PPFIA2: variants seen among roughly 807,000 people sequenced by gnomAD.
PPFIA2 encodes the protein liprin-alpha-2.
Under a neutral mutation model 175.5 loss-of-function variants are expected in PPFIA2, and 46 were observed. The observed-to-expected ratio is 0.26, with a 90% confidence interval of 0.21 to 0.34. The LOEUF is 0.34. Ranked by LOEUF, PPFIA2 falls within the 10% of genes least tolerant of loss-of-function variation. The probability of loss-of-function intolerance (pLI) is 1.00; values close to 1 mark genes in which losing one functional copy is unlikely to be tolerated. For synonymous variants in PPFIA2, 568 were observed against 511.4 expected, an observed-to-expected ratio of 1.11 and a Z score of -1.49; for missense variants, 1,179 against 1,506.1, an observed-to-expected ratio of 0.78 and a Z score of 3.60.
At chr12:81,644,341 A>G (rs141323188) in intron 4 of PPFIA2, among the ~76,000 whole-genome samples, 1 of 152,020 alleles carries the variant, frequency 6.6e-6, no homozygotes, top group Non-Finnish European at 1.5e-5. Flanking sequence ...AAGTTGGTGA[A>G]CACACTAAAT....
intron 3 of PPFIA2, among the ~76,000 whole-genome samples, chr12:81,701,708 T>C (rs1048698366): frequency 1.1e-4 from 16 of 148,948 alleles, no homozygotes; most frequent in Non-Finnish European, 1.8e-4. Flanking sequence ...TAAATAAATA[T>C]CAATCAGTGC....
chr12:81,414,049 G>A (rs2044493934), intron 7 of PPFIA2, among the ~76,000 whole-genome samples: 1 of 151,554 alleles, frequency 6.6e-6, no homozygotes. Context: ...TGTAAATTTG[G>A]TATTTTTATT....
At chr12:81,728,623 A>G (rs1389071214) in intron 3 of PPFIA2, among the ~76,000 whole-genome samples, 3 of 151,608 alleles carry the variant, frequency 2.0e-5, no homozygotes, top group South Asian at 4.1e-4. Context: ...TATTTCCTAT[A>G]GATTACAATT....
chr12:81,388,402 T>C (rs925086472), intron 8 of PPFIA2, among the ~76,000 whole-genome samples: 1 of 152,034 alleles, frequency 6.6e-6, no homozygotes, highest in Non-Finnish European at 1.5e-5. Context: ...AAAGAGTACA[T>C]AATGTGTGAT....
At chr12:81,291,271 T>A (rs2044894388) in intron 24 of PPFIA2, among the ~76,000 whole-genome samples, 1 of 152,122 alleles carries the variant, frequency 6.6e-6, no homozygotes, top group South Asian at 2.1e-4. Flanking sequence ...ACTTAAATGC[T>A]ATAAACAATA....
At chr12:81,570,634 T>C (rs2153412769) in intron 4 of PPFIA2, among the ~76,000 whole-genome samples, 1 of 151,668 alleles carries the variant, frequency 6.6e-6, no homozygotes, top group South Asian at 2.1e-4. Flanking sequence ...CATTCATCAG[T>C]TGTGAAAATT....
rs10595723 is a variant in PPFIA2 at position 81,605,650 on chromosome 12, GCTATCTAT to G, written c.303+71133_303+71140del. On this transcript the variant is annotated intron_variant, in intron 4 of 32. Coordinates refer to ENST00000549396, the MANE Select transcript of PPFIA2 (RefSeq NM_003625.5). Reference sequence around the variant, plus strand: ...GTCTGTCTATCCATCCATCCATCCAGCTATCTATCTATCTATCTATCTATCTATCTATC... The same window carrying G: ...GTCTGTCTATCCATCCATCCATCCAGCTATCTATCTATCTATCTATCTATC... Among the ~76,000 whole-genome samples the G allele has an allele frequency of 4.1e-3, 595 of 143,888 alleles. 1 individual carries two copies. Among genetic ancestry groups the G allele is most frequent in the Middle Eastern group, 0.014 (4 of 278 alleles). 94.4% of individuals were successfully genotyped at this position (143,888 alleles called of 152,430 possible).
chr12:81,726,381 C>T (rs1320383761), intron 3 of PPFIA2, among the ~76,000 whole-genome samples: 1 of 151,212 alleles, frequency 6.6e-6, no homozygotes, highest in African/African-American at 2.4e-5. Flanking sequence ...TCAGCTACCA[C>T]CTGTTCATCT....
intron 3 of PPFIA2, among the ~76,000 whole-genome samples, chr12:81,722,298 CA>C (rs1174630287): frequency 6.6e-6 from 1 of 150,976 alleles, no homozygotes; most frequent in East Asian, 1.9e-4. Flanking sequence ...CAGTGTATGA[CA>C]ATCATCATTA....
At chr12:81,653,213 C>T (rs2067272654) in intron 4 of PPFIA2, among the ~76,000 whole-genome samples, 1 of 152,092 alleles carries the variant, frequency 6.6e-6, no homozygotes, top group Admixed American at 6.6e-5. Flanking sequence ...CATAGTACTT[C>T]CACTTCCATC....
At chr12:81,471,894 T>A (rs2056794707) in intron 4 of PPFIA2, among the ~76,000 whole-genome samples, 1 of 152,220 alleles carries the variant, frequency 6.6e-6, no homozygotes, top group African/African-American at 2.4e-5. Context: ...TGAACATGTT[T>A]ATTACCTGAA....
At chr12:81,457,115 C>G (rs2053704454) in intron 5 of PPFIA2, among the ~76,000 whole-genome samples, 1 of 151,840 alleles carries the variant, frequency 6.6e-6, no homozygotes, top group Admixed American at 6.6e-5. Flanking sequence ...TCCCAAGTAG[C>G]TGGGACTGCA....
At chr12:81,272,240 G>A (rs1026972382) in intron 28 of PPFIA2, among the ~76,000 whole-genome samples, 1 of 151,762 alleles carries the variant, frequency 6.6e-6, no homozygotes, top group African/African-American at 2.4e-5. Flanking sequence ...GGGGTCCATC[G>A]AGAACCTTGA....
At chr12:81,737,907 C>G (rs1356695352) in intron 3 of PPFIA2, among the ~76,000 whole-genome samples, 1 of 151,248 alleles carries the variant, frequency 6.6e-6, no homozygotes, top group African/African-American at 2.4e-5. Context: ...AAGTGGCATT[C>G]CAAAATGAGG....
At chr12:81,662,227 TA>T (rs937890986) in intron 4 of PPFIA2, among the ~76,000 whole-genome samples, 3 of 151,560 alleles carry the variant, frequency 2.0e-5, no homozygotes, top group Non-Finnish European at 4.4e-5. Context: ...GATAGAGACA[TA>T]AAAAAACCCT....
intron 21 of PPFIA2, among the ~76,000 whole-genome samples, chr12:81,329,388 C>G (rs769271976): frequency 6.6e-6 from 1 of 152,146 alleles, no homozygotes; most frequent in Non-Finnish European, 1.5e-5. Context: ...GGCTATCACT[C>G]AGGCATCTTT....
chr12:81,443,447 C>G (rs539949935), intron 6 of PPFIA2, among the ~76,000 whole-genome samples: 1 of 151,674 alleles, frequency 6.6e-6, no homozygotes, highest in Non-Finnish European at 1.5e-5. Context: ...TAGGGTCATA[C>G]GATGGAACAA....
intron 3 of PPFIA2, among the ~76,000 whole-genome samples, chr12:81,714,563 C>A (rs1421376984): frequency 6.6e-6 from 1 of 150,746 alleles, no homozygotes; most frequent in Non-Finnish European, 1.5e-5. Flanking sequence ...ATATTGAATG[C>A]CCTCGAATAG....
intron 11 of PPFIA2, among the ~76,000 whole-genome samples, chr12:81,371,443 C>A (rs894570184): frequency 6.6e-6 from 1 of 151,614 alleles, no homozygotes; most frequent in African/African-American, 2.4e-5. Flanking sequence ...GTGACTGACT[C>A]AAGACACTTG....
Sources: gnomAD v4.1 joint callset for allele counts (sites outside exome capture counted in the v4.1 genomes callset) on GRCh38, gnomAD v4.1.1 for gene constraint, MANE v1.5 for transcripts, NCBI Gene and HGNC (gene_info 2026-07-23, HGNC 2026-07-21) for gene names.